The following ATRX variants were observed in gnomAD, a reference collection of about 807,000 sequenced individuals.
The protein encoded by ATRX is chromatin remodeler ATRX.
ATRX carries 12 observed loss-of-function variants against 172.6 expected under a neutral mutation model. The observed-to-expected ratio is 0.07, with a 90% CI of 0.04 to 0.11. ATRX has a LOEUF of 0.11. Ranked by LOEUF, ATRX falls within the 10% of genes least tolerant of loss-of-function variation. The pLI, the probability that ATRX is intolerant of heterozygous loss-of-function variation, is 1.00. For missense variants in ATRX, 1,368 were observed against 1,767.4 expected (o/e 0.77, Z 4.05); for synonymous variants, 674 against 594.7 (o/e 1.13, Z -1.94).
At chrX:77,545,895 G>T (rs1165989909) in intron 30 of ATRX, among the ~76,000 whole-genome samples, 1 of 111,005 alleles carries the variant, frequency 9.0e-6, no homozygotes, top group Admixed American at 9.6e-5. Context: ...CTGACTTAGG[G>T]CTAAGGATCA....
intron 22 of ATRX, among the ~76,000 whole-genome samples, chrX:77,613,660 A>G (rs1459695120): frequency 8.9e-6 from 1 of 112,261 alleles, no homozygotes; most frequent in African/African-American, 3.2e-5. Flanking sequence ...GGCAGGTCCT[A>G]GAACCAATCC....
chrX:77,531,293 A>G (rs180834619), intron 30 of ATRX, among the ~76,000 whole-genome samples: 6 of 112,203 alleles, frequency 5.3e-5, no homozygotes, highest in Admixed American at 1.9e-4. Context: ...CATCATCCTG[A>G]TATGAAAACC....
At chrX:77,546,078 C>T (rs1479554232) in intron 30 of ATRX, among the ~76,000 whole-genome samples, 1 of 111,164 alleles carries the variant, frequency 9.0e-6, no homozygotes, top group African/African-American at 3.3e-5. Flanking sequence ...CATATCAAAC[C>T]TCAATTTACT....
At chrX:77,532,503 T>C (rs1462733919) in intron 30 of ATRX, among the ~76,000 whole-genome samples, 2 of 111,572 alleles carry the variant, frequency 1.8e-5, no homozygotes, top group Admixed American at 1.9e-4. Flanking sequence ...CCTACAGCCA[T>C]CTGCTCTTTG....
chrX:77,569,897 T>G (rs1283623228), intron 28 of ATRX, among the ~76,000 whole-genome samples: 2 of 112,062 alleles, frequency 1.8e-5, no homozygotes, highest in East Asian at 5.6e-4. Flanking sequence ...TTAAAATTAT[T>G]GCAAAACTTT....
intron 1 of ATRX, chrX:77,785,759 G>A (rs2076718299): frequency 1.1e-5 from 1 of 92,345 alleles, no homozygotes; most frequent in African/African-American, 4.1e-5. Flanking sequence ...CCATACCCTA[G>A]GCCGCGCCCC....
rs781824822 is a variant in ATRX, at chrX:77,766,137, C to T, written c.20+19845G>A. Among the ~76,000 whole-genome samples, 802 of 112,582 alleles carry T rather than the reference C, an allele frequency of 7.1e-3. 6 individuals carry two copies. The highest frequency in any genetic ancestry group is 0.025 in the African/African-American group (773 of 31,053). On this transcript the variant is annotated intron_variant, in intron 1 of 34. Coordinates refer to ENST00000373344, the MANE Select transcript of ATRX (RefSeq NM_000489.6). ...ATCCGATTTCTCAATCTTTTCCCCA[C>T]CTTTCCCCCCTTTCTATTCCACAAA...
intron 28 of ATRX, among the ~76,000 whole-genome samples, chrX:77,563,311 A>C (rs1325621269): frequency 2.7e-5 from 3 of 112,499 alleles, no homozygotes; most frequent in Non-Finnish European, 5.6e-5. Context: ...ATGAAAGTCT[A>C]ATTGTTTCAA....
chrX:77,574,533 T>C (rs2065540247), intron 27 of ATRX, among the ~76,000 whole-genome samples, 175 bp from the exon 28 acceptor site: 1 of 112,079 alleles, frequency 8.9e-6, no homozygotes, highest in Admixed American at 9.5e-5. Flanking sequence ...ATAAATAAAT[T>C]AACCACAGAT....
chrX:77,708,114 A>T (rs782517993), intron 2 of ATRX, among the ~76,000 whole-genome samples: 1 of 112,403 alleles, frequency 8.9e-6, no homozygotes, highest in South Asian at 3.7e-4. Context: ...ATGGCTACAC[A>T]CAAAAAACTG....
At chrX:77,718,110 A>G (rs2073540851) in intron 1 of ATRX, among the ~76,000 whole-genome samples, 1 of 110,929 alleles carries the variant, frequency 9.0e-6, no homozygotes, top group Non-Finnish European at 1.9e-5. Flanking sequence ...TATACTAGCC[A>G]ACACCCAGAA....
At chrX:77,612,724 C>T (rs1352131804) in intron 22 of ATRX, among the ~76,000 whole-genome samples, 1 of 111,674 alleles carries the variant, frequency 9.0e-6, no homozygotes, top group Non-Finnish European at 1.9e-5. Flanking sequence ...CCAAACAGAA[C>T]TTAGTACCCA....
intron 1 of ATRX, among the ~76,000 whole-genome samples, chrX:77,772,722 C>T: frequency 9.1e-6 from 1 of 109,529 alleles, no homozygotes; most frequent in Non-Finnish European, 1.9e-5. Context: ...ACCTCGTGAT[C>T]CATCCGCCTC....
chrX:77,572,497 G>T (rs1335729916), intron 28 of ATRX, among the ~76,000 whole-genome samples: 1 of 111,202 alleles, frequency 9.0e-6, no homozygotes, highest in Non-Finnish European at 1.9e-5. Context: ...ATGTTTAGGG[G>T]TAATTCACTA....
intron 7 of ATRX, among the ~76,000 whole-genome samples, chrX:77,688,015 G>GCAACCT (rs2071676368): frequency 9.0e-6 from 1 of 111,539 alleles, no homozygotes; most frequent in South Asian, 3.8e-4. Flanking sequence ...TCGACTCGCT[G>GCAACCT]CAACCTCCAC....
intron 4 of ATRX, 23 bp from the exon 5 acceptor site, chrX:77,696,727 G>C (rs1557150103): frequency 8.5e-7 from 1 of 1,175,493 alleles, no homozygotes; most frequent in South Asian, 1.8e-5. Context: ...TAAGTTCATA[G>C]AATTATGAAT....
chrX:77,716,315 A>T (rs1219193488), intron 2 of ATRX, among the ~76,000 whole-genome samples: 1 of 57,810 alleles, frequency 1.7e-5, no homozygotes, highest in Non-Finnish European at 3.5e-5. Flanking sequence ...AAAAAAAAAA[A>T]AAAAAAAAAT....
At position 77,760,507 on chromosome X, in the gene ATRX, T is replaced by A. The variant is rs1339455235; in HGVS notation, c.20+25475A>T. Among the ~76,000 whole-genome samples the A allele has an allele frequency of 3.9e-5, 4 of 102,523 alleles. No homozygotes were observed. The East Asian group carries it at 1.3e-3, about 33-fold the overall frequency. The allele number at this position is 102,523 out of a possible 115,157, so 89.0% of individuals were successfully genotyped here. On this transcript the variant is annotated intron_variant, in intron 1 of 34. Coordinates refer to ENST00000373344, the MANE Select transcript of ATRX (RefSeq NM_000489.6). Reference sequence around the variant, plus strand: ...AGGGGGGAGGGATAGCATTGGGAGATATACCTAATGCTAGATGACAAGTTA... The same window carrying A: ...AGGGGGGAGGGATAGCATTGGGAGAAATACCTAATGCTAGATGACAAGTTA...
At position 77,652,342 on chromosome X, in the gene ATRX, C is replaced by T. The variant is rs782044671; in HGVS notation, c.4329G>A (p.Glu1443=). 4.6e-5 allele frequency: 55 copies of T among 1,200,793 alleles called. No homozygotes were observed. The highest frequency in any genetic ancestry group is 5.6e-5 in the Non-Finnish European group (50 of 890,593). ...CCTCTTCTTTTTCCTCCTCTTCTTC[C>T]TCAGAATTACTCTACAGAATTTAAA... ...DSSSENKSNS[E]EEEEEKEEEE... The change falls in exon 15 of 35, where the codon GAG becomes GAA. Residue 1443 remains glutamate, a synonymous_variant. Coordinates refer to ENST00000373344, the MANE Select transcript of ATRX (RefSeq NM_000489.6).
Sources: gnomAD v4.1 joint callset for allele counts (sites outside exome capture counted in the v4.1 genomes callset) on GRCh38, gnomAD v4.1.1 for gene constraint, MANE v1.5 for transcripts, NCBI Gene and HGNC (gene_info 2026-07-23, HGNC 2026-07-21) for gene names.